Variants in KIAA1755 observed in about 807,000 individuals in gnomAD.
KIAA1755 encodes the protein uncharacterized protein KIAA1755.
In KIAA1755, 68 loss-of-function variants were observed where a neutral mutation model predicts 91.7. The ratio of observed to expected loss-of-function variants is 0.74; its 90% CI spans 0.61 to 0.91. KIAA1755 has a LOEUF of 0.91. Ranked by LOEUF, KIAA1755 falls within the 40% of genes least tolerant of loss-of-function variation. The pLI is 0.00. For missense variants in KIAA1755, 1,535 were observed against 1,494.4 expected (o/e 1.03, Z -0.45); for synonymous variants, 610 against 604.6 (o/e 1.01, Z -0.13).
At chr20:38,250,112 A>G (rs2076221686) in intron 1 of KIAA1755, among the ~76,000 whole-genome samples, 1 of 152,250 alleles carries the variant, frequency 6.6e-6, no homozygotes, top group African/African-American at 2.4e-5. Flanking sequence ...CATACCATGC[A>G]TACTATTAGC....
At chr20:38,228,773 A>T (rs1368637596) in intron 5 of KIAA1755, among the ~76,000 whole-genome samples, 1 of 152,136 alleles carries the variant, frequency 6.6e-6, no homozygotes, top group Non-Finnish European at 1.5e-5. Context: ...TCCCTCCTTT[A>T]AAAAGTTCTT....
At chr20:38,231,644 G>A (rs1205419) in intron 4 of KIAA1755, among the ~76,000 whole-genome samples, 37,183 of 152,124 alleles carry the variant, frequency 0.24, 4,755 homozygotes, top group Middle Eastern at 0.33. Context: ...GTGACTCACT[G>A]TGTGTCTGTG....
rs564215961 is a variant in KIAA1755, at chr20:38,224,559, G to T, written c.2170-923C>A. Among the ~76,000 whole-genome samples the T allele has an allele frequency of 3.9e-5, 6 of 152,308 alleles. No homozygotes were observed. In the South Asian group the frequency reaches 1.2e-3, roughly 32 times the overall value. On this transcript the variant is annotated intron_variant, in intron 8 of 13. Coordinates refer to ENST00000279024, the MANE Select transcript of KIAA1755 (RefSeq NM_001029864.2). ...GTGACTTTGCCCCCGGGGACATTCA[G>T]CAATGTCAGGAGACTTTTTTAATTG...
rs1284485071 is a variant in KIAA1755 at position 38,211,114 on chromosome 20, G to T, written c.*1928C>A. On this transcript the variant is annotated 3_prime_UTR_variant, in exon 14 of 14. Transcript: ENST00000279024. The stretch of plus-strand genomic sequence containing the variant: ...GGTAGGATTCCCTAGGAAGCCTTTT[G>T]ACCGGCTCTGCTCATGGCTCTGAGG... 1 of 152,268 alleles carries T rather than the reference G, an allele frequency of 6.6e-6. No individual in the cohort carries two copies. The highest frequency in any genetic ancestry group is 1.5e-5 in the Non-Finnish European group (1 of 68,058). The allele number at this position is 152,268 out of a possible 1,614,324, so 9.4% of individuals were successfully genotyped here.
chr20:38,241,297 G>A lies in KIAA1755; in HGVS notation c.834C>T (p.Leu278=), dbSNP rs773724758. ...CTCTGCTCTCTTGGGAAAAGCCTAG[G>A]AGAGCCACATAGTCTCCCTCGAAGT... ...SQDFEGDYVA[L]LGFSQESRGE... Residue 278 remains leucine (L), a synonymous_variant, in exon 3 of 14, where the codon CTC becomes CTT. Coordinates refer to ENST00000279024, the MANE Select transcript of KIAA1755 (RefSeq NM_001029864.2). The A allele has an allele frequency of 5.6e-6, 9 of 1,614,046 alleles. No individual in the cohort carries two copies. The highest frequency in any genetic ancestry group is 1.6e-4 in the Middle Eastern group (1 of 6,084).
Position 38,241,480 on chromosome 20 carries a change from C to T in KIAA1755, c.651G>A (p.Leu217=). 6.2e-7 allele frequency: 1 copy of T among 1,614,246 alleles called. No individual in the cohort carries two copies. The highest frequency in any genetic ancestry group is 8.5e-7 in the Non-Finnish European group (1 of 1,180,038). ...GGTTGTCTGGGGAGCTGGCCTGGTG[C>T]AACTCTTGAGGGCTGCTCAAATCCA... ...EALDLSSPQE[L]HQASSPDNQV... The change falls in exon 3 of 14, where the codon TTG becomes TTA. Residue 217 remains leucine (L), a synonymous_variant. Coordinates refer to ENST00000279024, the MANE Select transcript of KIAA1755 (RefSeq NM_001029864.2).
intron 9 of KIAA1755, chr20:38,223,037 A>C: frequency 7.8e-6 from 2 of 256,094 alleles, no homozygotes; most frequent in African/African-American, 2.3e-5. Context: ...CTTCTTTCCC[A>C]CTCATTCTGC....
chr20:38,213,444 G>A lies in KIAA1755; in HGVS notation c.3201C>T (p.Arg1067=), dbSNP rs769676534. The change falls in exon 14 of 14, where the codon CGC becomes CGT. Residue 1067 remains arginine (R), a synonymous_variant. Coordinates refer to ENST00000279024, the MANE Select transcript of KIAA1755 (RefSeq NM_001029864.2). ...CPEAPAAHSA[R]PERRGVAAKG... is the part of the protein sequence containing the mutation. Reference sequence around the variant, plus strand: ...TGGCTGCCACCCCTCTTCGTTCTGGGCGCGCTGAGTGAGCAGCTGGAGCCT... The same window carrying A: ...TGGCTGCCACCCCTCTTCGTTCTGGACGCGCTGAGTGAGCAGCTGGAGCCT... The A allele has an allele frequency of 9.4e-6, 15 of 1,602,286 alleles. No individual in the cohort carries two copies. Among genetic ancestry groups the A allele is most frequent in the Middle Eastern group, 1.6e-4 (1 of 6,066 alleles).
At chr20:38,249,553 G>A (rs74982323) in intron 1 of KIAA1755, among the ~76,000 whole-genome samples, 2,210 of 152,294 alleles carry the variant, frequency 0.015, 45 homozygotes, top group African/African-American at 0.047. Flanking sequence ...AGTGCTGGGC[G>A]CAGGGGACCG....
At chr20:38,216,331 G>C (rs554832753) in intron 13 of KIAA1755, among the ~76,000 whole-genome samples, 1 of 152,342 alleles carries the variant, frequency 6.6e-6, no homozygotes, top group African/African-American at 2.4e-5. Flanking sequence ...CAAGGAGACA[G>C]AGAGTGCCCT....
intron 1 of KIAA1755, among the ~76,000 whole-genome samples, chr20:38,254,860 C>T (rs1262287719): frequency 6.6e-6 from 1 of 151,602 alleles, no homozygotes; most frequent in East Asian, 1.9e-4. Flanking sequence ...TCAGTTAATC[C>T]TCAGTTGGTG....
At chr20:38,247,340 C>T (rs2076176565) in intron 1 of KIAA1755, among the ~76,000 whole-genome samples, 1 of 152,152 alleles carries the variant, frequency 6.6e-6, no homozygotes, top group Non-Finnish European at 1.5e-5. Context: ...GCTTCGGCCA[C>T]AGTGGCACAT....
rs893121779 is a variant in KIAA1755 at position 38,227,400 on chromosome 20, C to A, written c.1966-160G>T. Among the ~76,000 whole-genome samples the A allele has an allele frequency of 3.3e-5, 5 of 152,224 alleles. No individual in the cohort carries two copies. In the South Asian group the frequency reaches 1.0e-3, roughly 31 times the overall value. Reference sequence around the variant, plus strand: ...GGAATCTTTGTGTGATACGTTTGGACCGTGAATCATTGGTTAGAAGTCATG... The same window carrying A: ...GGAATCTTTGTGTGATACGTTTGGAACGTGAATCATTGGTTAGAAGTCATG... On this transcript the variant is annotated intron_variant, in intron 6 of 13. Coordinates refer to ENST00000279024, the MANE Select transcript of KIAA1755 (RefSeq NM_001029864.2).
intron 13 of KIAA1755, among the ~76,000 whole-genome samples, chr20:38,214,627 A>T (rs1018817443): frequency 3.9e-5 from 6 of 152,224 alleles, no homozygotes; most frequent in Admixed American, 6.5e-5. Flanking sequence ...CTTCATGGGC[A>T]GAAGGAGAAA....
rs368211034 is a variant in KIAA1755, at chr20:38,243,577, T to C, written c.202-1648A>G. ...AGTCCAGGCATTATTATTTTCATTT[T>C]ACAGATGATGCAACTGAGGCTCAGT... On this transcript the variant is annotated intron_variant, in intron 2 of 13. Transcript: ENST00000279024. 7.9e-5 allele frequency among the ~76,000 whole-genome samples: 12 copies of C among 152,376 alleles called. No individual in the cohort carries two copies. In the South Asian group the frequency reaches 2.1e-3, roughly 26 times the overall value.
chr20:38,229,128 C>T (rs548486607), intron 5 of KIAA1755, among the ~76,000 whole-genome samples: 2 of 152,346 alleles, frequency 1.3e-5, no homozygotes, highest in East Asian at 1.9e-4. Flanking sequence ...CCCCAACTGC[C>T]CTCAAGCCTT....
chr20:38,250,504 G>GTGTC (rs199725605), intron 1 of KIAA1755, among the ~76,000 whole-genome samples: 15,764 of 142,892 alleles, frequency 0.11, 852 homozygotes, highest in Middle Eastern at 0.14. Context: ...GTGTGTGTGT[G>GTGTC]TGTGTGTCTG....
At position 38,217,614 on chromosome 20, in the gene KIAA1755, C is replaced by T. The variant is rs2075573861; in HGVS notation, c.2680-140G>A. Reference sequence around the variant, plus strand: ...AGTTTCCTCATCTGTAGAATGGGGACCCTAATAGCACCCACCTCACAGGGC... The same window carrying T: ...AGTTTCCTCATCTGTAGAATGGGGATCCTAATAGCACCCACCTCACAGGGC... On this transcript the variant is annotated intron_variant, in intron 12 of 13. Transcript: ENST00000279024. The T allele has an allele frequency of 1.3e-5, 8 of 621,796 alleles. No individual in the cohort carries two copies. The East Asian group carries it at 2.2e-4, about 17-fold the overall frequency. The allele number at this position is 621,796 out of a possible 1,614,324, so 38.5% of individuals were successfully genotyped here. A position where few individuals can be genotyped will look rare whatever the true frequency, so the allele number is the denominator to read the frequency against.
intron 2 of KIAA1755, among the ~76,000 whole-genome samples, chr20:38,242,230 CT>C (rs1352876137): frequency 6.6e-6 from 1 of 152,212 alleles, no homozygotes; most frequent in East Asian, 1.9e-4. Flanking sequence ...CTCCCTTCCT[CT>C]CTGCATCTAT....
Sources: gnomAD v4.1 joint callset for allele counts (sites outside exome capture counted in the v4.1 genomes callset) on GRCh38, gnomAD v4.1.1 for gene constraint, MANE v1.5 for transcripts, NCBI Gene and HGNC (gene_info 2026-07-23, HGNC 2026-07-21) for gene names.